The following PCDHA2 variants were observed in gnomAD, a reference collection of about 807,000 sequenced individuals.
PCDHA2 encodes the protein protocadherin alpha 2, also known as protocadherin alpha-2.
PCDHA2 carries 58 observed loss-of-function variants against 66.0 expected under a neutral mutation model. The ratio of observed to expected loss-of-function variants is 0.88; its 90% CI spans 0.71 to 1.09. The LOEUF (loss-of-function observed/expected upper bound fraction) is 1.09. Among genes scored for constraint, PCDHA2 ranks in the 50% least tolerant of loss-of-function variants. The pLI, the probability that PCDHA2 is intolerant of heterozygous loss-of-function variation, is 0.00. For synonymous variants in PCDHA2, 634 were observed against 554.0 expected (o/e 1.14, Z -2.03); for missense variants, 1,267 against 1,242.3 (o/e 1.02, Z -0.30).
Position 140,795,646 on chromosome 5 carries a change from A to G in PCDHA2, c.682A>G (p.Ile228Val). The change falls in exon 1 of 4, where the codon ATA (isoleucine) becomes GTA (valine). Residue 228 changes from isoleucine to valine, a missense_variant. Coordinates refer to ENST00000526136, the MANE Select transcript of PCDHA2 (RefSeq NM_018905.3). The stretch of plus-strand genomic sequence containing the variant: ...ACCTGAGCTCACGGGCACCGTTCAA[A>G]TACTTATTAAGGTATTAGATGTAAA... ...GKPELTGTVQ[I>V]LIKVLDVNDN... 6.2e-7 allele frequency: 1 copy of G among 1,614,160 alleles called. No homozygotes were observed. The highest frequency in any genetic ancestry group is 8.5e-7 in the Non-Finnish European group (1 of 1,180,028).
Position 140,836,319 on chromosome 5 carries a change from C to A in PCDHA2, c.2388+38967C>A, listed in dbSNP as rs2150257608. ...AGATGAGACGGACGCACCGCGCCAC[C>A]GCCTTCTGGTGCTTGTGAAGGACCA... On this transcript the variant is annotated intron_variant, in intron 1 of 3. Coordinates refer to ENST00000526136, the MANE Select transcript of PCDHA2 (RefSeq NM_018905.3). 3.7e-6 allele frequency: 6 copies of A among 1,613,720 alleles called. No homozygotes were observed. The South Asian group carries it at 4.4e-5, about 12-fold the overall frequency.
At chr5:140,828,123 A>T in intron 1 of PCDHA2, 2 of 1,613,042 alleles carry the variant, frequency 1.2e-6, no homozygotes. Flanking sequence ...AGATTGGGAA[A>T]GCAATGTCTG....
At chr5:140,801,262 C>T in intron 1 of PCDHA2, 3 of 1,613,770 alleles carry the variant, frequency 1.9e-6, no homozygotes, top group Non-Finnish European at 2.5e-6. Flanking sequence ...CTGCTCCTCG[C>T]AGCCTCGGAG....
intron 1 of PCDHA2, among the ~76,000 whole-genome samples, chr5:140,963,991 A>G (rs1232646749): frequency 1.3e-5 from 2 of 152,190 alleles, no homozygotes; most frequent in Admixed American, 6.5e-5. Context: ...ATTCCTAATT[A>G]CTGTGTTCTA....
chr5:140,870,168 C>A, intron 1 of PCDHA2: 1 of 1,614,108 alleles, frequency 6.2e-7, no homozygotes, highest in Admixed American at 1.7e-5. Context: ...CTTCCTTGTC[C>A]CTCCCAGTAC....
chr5:140,949,521 T>C (rs2094388357), intron 1 of PCDHA2, among the ~76,000 whole-genome samples: 1 of 151,932 alleles, frequency 6.6e-6, no homozygotes, highest in East Asian at 1.9e-4. Flanking sequence ...TTGATCCTTT[T>C]ATCTTCATAA....
chr5:140,948,312 G>A (rs2094238308), intron 1 of PCDHA2, among the ~76,000 whole-genome samples: 1 of 151,400 alleles, frequency 6.6e-6, no homozygotes, highest in African/African-American at 2.4e-5. Context: ...TTCTTCTTGA[G>A]GGGTAATGTT....
chr5:140,954,771 T>C (rs1314345691), intron 1 of PCDHA2, among the ~76,000 whole-genome samples: 2 of 152,230 alleles, frequency 1.3e-5, no homozygotes, highest in African/African-American at 4.8e-5. Context: ...AGCTCTTTAA[T>C]TTAATTAGAT....
rs2150316766 is a variant in PCDHA2 at position 140,841,503 on chromosome 5, C to A, written c.2388+44151C>A. 418 of 1,613,290 alleles carry A rather than the reference C, an allele frequency of 2.6e-4. 3 individuals are homozygous for A. In the East Asian group the frequency reaches 7.1e-3, roughly 27 times the overall value. On this transcript the variant is annotated intron_variant, in intron 1 of 3. Transcript: ENST00000526136. ...GGGCTGGAGCTGGCGGAGCTGGTGC[C>A]GCGCCTGTTCCGGGTGGCGTCCAAA...
intron 1 of PCDHA2, among the ~76,000 whole-genome samples, chr5:140,965,009 T>C (rs2153742434): frequency 6.6e-6 from 1 of 152,248 alleles, no homozygotes; most frequent in South Asian, 2.1e-4. Context: ...GGTGTCAGGA[T>C]CACAACCTTG....
chr5:141,004,178 T>G (rs527276653), intron 3 of PCDHA2, among the ~76,000 whole-genome samples: 2 of 152,372 alleles, frequency 1.3e-5, no homozygotes, highest in South Asian at 2.1e-4. Flanking sequence ...CCAAGTGTCT[T>G]GAGTGCTCTT....
chr5:140,980,608 G>A (rs994415170), intron 2 of PCDHA2, among the ~76,000 whole-genome samples: 6 of 151,850 alleles, frequency 4.0e-5, no homozygotes, highest in African/African-American at 7.3e-5. Context: ...CCAGCCTGGC[G>A]ACAGTGCGAG....
intron 1 of PCDHA2, chr5:140,849,676 C>G (rs2150444871): frequency 1.3e-6 from 2 of 1,598,588 alleles, no homozygotes; most frequent in African/African-American, 2.7e-5. Context: ...CCCCACGTCC[C>G]CTTCAAGCTG....
chr5:140,794,895 C>A lies in PCDHA2; in HGVS notation c.-70C>A. 6.8e-7 allele frequency: 1 copy of A among 1,474,750 alleles called. No individual in the cohort carries two copies. Among genetic ancestry groups the A allele is most frequent in the Non-Finnish European group, 9.2e-7 (1 of 1,091,592 alleles). The allele number at this position is 1,474,750 out of a possible 1,614,324, so 91.4% of individuals were successfully genotyped here. Reference sequence around the variant, plus strand: ...AATAAGAGAAGCAGCAGGACTTTAACAGAGACTAGAATATTTAAATTTTTG... The same window carrying A: ...AATAAGAGAAGCAGCAGGACTTTAAAAGAGACTAGAATATTTAAATTTTTG... On this transcript the variant is annotated 5_prime_UTR_variant, in exon 1 of 4. Coordinates refer to ENST00000526136, the MANE Select transcript of PCDHA2 (RefSeq NM_018905.3).
chr5:140,931,907 G>A (rs573618162), intron 1 of PCDHA2, among the ~76,000 whole-genome samples: 107 of 151,900 alleles, frequency 7.0e-4, no homozygotes, highest in Middle Eastern at 3.5e-3. Context: ...CATTTGAAAA[G>A]CATGACATTT....
intron 1 of PCDHA2, among the ~76,000 whole-genome samples, chr5:140,974,086 A>G (rs1554235813): frequency 2.6e-5 from 4 of 152,256 alleles, no homozygotes; most frequent in Non-Finnish European, 5.9e-5. Context: ...CATGACTTCA[A>G]AAATCAAAGG....
At chr5:140,820,994 A>T (rs1466692140) in intron 1 of PCDHA2, among the ~76,000 whole-genome samples, 1 of 152,134 alleles carries the variant, frequency 6.6e-6, no homozygotes, top group African/African-American at 2.4e-5. Context: ...TTATAGATAA[A>T]GAAATAGGTT....
At chr5:140,920,329 G>A (rs556077448) in intron 1 of PCDHA2, among the ~76,000 whole-genome samples, 8 of 152,080 alleles carry the variant, frequency 5.3e-5, no homozygotes, top group South Asian at 4.2e-4. Flanking sequence ...TATATTTATG[G>A]CATTTCTTAT....
chr5:141,003,588 T>C (rs558863784), intron 3 of PCDHA2, among the ~76,000 whole-genome samples: 65 of 152,252 alleles, frequency 4.3e-4, no homozygotes, highest in African/African-American at 1.3e-3. Context: ...GCTGGGATTT[T>C]AGATGTGAGC....
Sources: allele counts gnomAD v4.1 joint callset (sites outside exome capture counted in the v4.1 genomes callset), GRCh38; gene constraint gnomAD v4.1.1; transcripts MANE v1.5; gene names NCBI Gene and HGNC (gene_info 2026-07-23, HGNC 2026-07-21).